Variants in TRIOBP observed in about 807,000 individuals in gnomAD.
TRIOBP encodes the protein TRIO and F-actin binding protein, also known as TRIO and F-actin-binding protein.
Under a neutral mutation model 238.8 loss-of-function variants are expected in TRIOBP, and 169 were observed. The observed-to-expected ratio is 0.71, with a 90% CI of 0.62 to 0.80. TRIOBP has a LOEUF of 0.80. Ranked by LOEUF, TRIOBP falls within the 30% of genes least tolerant of loss-of-function variation. The probability of loss-of-function intolerance (pLI) is 0.00; values close to 1 mark genes in which losing one functional copy is unlikely to be tolerated. For synonymous variants in TRIOBP, 1,150 were observed against 1,274.4 expected, an observed-to-expected ratio of 0.90 and a Z score of 2.08; for missense variants, 2,838 against 3,122.6, an observed-to-expected ratio of 0.91 and a Z score of 2.17.
Position 37,726,024 on chromosome 22 carries a change from G to A in TRIOBP, c.3468G>A (p.Glu1156=), listed in dbSNP as rs765602011. The A allele has an allele frequency of 2.5e-6, 4 of 1,610,064 alleles. No homozygotes were observed. The highest frequency in any genetic ancestry group is 2.7e-5 in the African/African-American group (2 of 74,236). ...SLVPSMDSLH[E]CPHIPTPVCI... is the part of the protein sequence containing the mutation. ...TCCCTTCCATGGACTCTCTGCACGA[G>A]TGCCCCCACATCCCCACCCCTGTGT... Residue 1156 remains glutamate, a synonymous_variant, in exon 7 of 24, where the codon GAG becomes GAA. Coordinates refer to ENST00000644935, the MANE Select transcript of TRIOBP (RefSeq NM_001039141.3).
intron 7 of TRIOBP, among the ~76,000 whole-genome samples, chr22:37,729,842 G>C (rs1924339514): frequency 6.6e-6 from 1 of 152,178 alleles, no homozygotes; most frequent in Middle Eastern, 3.2e-3. Context: ...CTCTGAATAT[G>C]GAAAATTTTA....
At chr22:37,717,839 C>T (rs368683472) in intron 6 of TRIOBP, among the ~76,000 whole-genome samples, 4 of 152,346 alleles carry the variant, frequency 2.6e-5, no homozygotes, top group South Asian at 4.1e-4. Context: ...GCCATGCGCC[C>T]ACACTCCTCA....
Position 37,757,803 on chromosome 22 carries a change from C to T in TRIOBP, c.5878C>T (p.Arg1960Cys), listed in dbSNP as rs368774500. The change falls in exon 16 of 24, where the codon CGC (arginine) becomes TGC (cysteine). Residue 1960 changes from arginine (R) to cysteine (C), a missense_variant. Arg to Cys is a radical substitution (Grantham distance 180). Transcript: ENST00000644935. ...GACCCAGGCTTCCCCGCAGCGGGCC[C>T]GCACCCCAGCCCGCACTCCTGACCG... ...PLTQASPQRA[R>C]TPARTPDRLA... 1.1e-4 allele frequency: 172 copies of T among 1,547,350 alleles called. No individual in the cohort carries two copies. Among genetic ancestry groups the T allele is most frequent in the African/African-American group, 1.5e-4 (11 of 72,982 alleles).
In TRIOBP at chr22:37,751,242, C is replaced by T. The variant is rs765809385; in HGVS notation, c.5323-530C>T. ...CTGACCCTTCCCAAAGAGATCTAGG[C>T]GGGGACCAGAGGGTTTCTGACCCCA... On this transcript the variant is annotated intron_variant, in intron 11 of 23. Transcript: ENST00000644935. The T allele has an allele frequency of 3.0e-4, 107 of 351,508 alleles. 1 individual carries two copies. The highest frequency in any genetic ancestry group is 2.1e-3 in the Admixed American group (50 of 23,446). 21.8% of individuals were successfully genotyped at this position (351,508 alleles called of 1,614,324 possible).
Position 37,738,648 on chromosome 22 carries a change from C to A in TRIOBP, c.5113C>A (p.Pro1705Thr), listed in dbSNP as rs538544680. 1.9e-6 allele frequency: 3 copies of A among 1,613,662 alleles called. No individual in the cohort carries two copies. Among genetic ancestry groups the A allele is most frequent in the African/African-American group, 1.3e-5 (1 of 74,820 alleles). The stretch of plus-strand genomic sequence containing the variant: ...TTCTTTTTTTAATCTCCAGTTCCAA[C>A]CAGAGGAGCCTGAGGAGTCAGAACC... ...GPSLPELQFQ[P>T]EEPEESEPSR... is the part of the protein sequence containing the mutation. Residue 1705 changes from proline (P) to threonine (T), a missense_variant, in exon 10 of 24, where the codon CCA becomes ACA. Physicochemically the swap from Pro to Thr is conservative, Grantham distance 38. This residue lies in a region of TRIOBP where 2,096 missense variants were observed against 2,137.4 expected (regional missense o/e 0.98). Coordinates refer to ENST00000644935, the MANE Select transcript of TRIOBP (RefSeq NM_001039141.3).
rs775251601 is a variant in TRIOBP at position 37,735,234 on chromosome 22, G to T, written c.4898G>T (p.Trp1633Leu). ...GAGTCACACAGCCAGCCAGAAGGCT[G>T]GGCCGAGGCCACCCCAGTCAATGGA... ...EQESHSQPEG[W>L]AEATPVNGHS... is the part of the protein sequence containing the mutation. The change falls in exon 9 of 24, where the codon TGG becomes TTG. Residue 1633 changes from tryptophan (W) to leucine (L), a missense_variant. Around this residue, in one of 5 missense-constraint regions of TRIOBP, gnomAD observed 2,096 missense variants for 2,137.4 expected, o/e 0.98. Transcript: ENST00000644935. 227 of 1,604,970 alleles carry T rather than the reference G, an allele frequency of 1.4e-4. No individual in the cohort carries two copies. Among genetic ancestry groups the T allele is most frequent in the Non-Finnish European group, 1.8e-4 (217 of 1,173,330 alleles).
At chr22:37,744,901 C>T (rs1401923467) in intron 11 of TRIOBP, among the ~76,000 whole-genome samples, 2 of 152,020 alleles carry the variant, frequency 1.3e-5, no homozygotes, top group South Asian at 2.1e-4. Context: ...AGTCTCGCTC[C>T]GTCTCCCAAG....
chr22:37,726,077 T>C lies in TRIOBP; in HGVS notation c.3521T>C (p.Phe1174Ser), dbSNP rs778600630. 2.1e-5 allele frequency: 33 copies of C among 1,585,050 alleles called. No individual in the cohort carries two copies. Among genetic ancestry groups the C allele is most frequent in the Non-Finnish European group, 2.6e-5 (30 of 1,167,084 alleles). Residue 1174 changes from phenylalanine to serine, a missense_variant, in exon 7 of 24, where the codon TTC becomes TCC. Physicochemically the swap from Phe to Ser is radical, Grantham distance 155. Coordinates refer to ENST00000644935, the MANE Select transcript of TRIOBP (RefSeq NM_001039141.3). ...VCIGHRDAPS[F>S]SSPPRQAPEP... ...ATTGGGCACCGGGATGCACCCTCCT[T>C]CTCATCCCCACCACGCCAGGCTCCT...
intron 23 of TRIOBP, among the ~76,000 whole-genome samples, chr22:37,773,168 G>A (rs1926868757): frequency 6.6e-6 from 1 of 150,808 alleles, no homozygotes; most frequent in South Asian, 2.1e-4. Flanking sequence ...TGACTTAGCA[G>A]GGCTCAAAGT....
At chr22:37,699,196 T>C (rs1291782012) in intron 2 of TRIOBP, among the ~76,000 whole-genome samples, 1 of 152,166 alleles carries the variant, frequency 6.6e-6, no homozygotes, top group African/African-American at 2.4e-5. Flanking sequence ...GATTTCTTTT[T>C]GGCTAAGTTC....
At chr22:37,721,174 C>T (rs764475682) in intron 6 of TRIOBP, among the ~76,000 whole-genome samples, 27 of 151,670 alleles carry the variant, frequency 1.8e-4, no homozygotes, top group Non-Finnish European at 3.2e-4. Context: ...CGGCTGCATC[C>T]AGCTAATTTT....
At chr22:37,755,319 T>C (rs1251267004) in intron 14 of TRIOBP, 129 bp downstream of exon 14, 6 of 1,053,048 alleles carry the variant, frequency 5.7e-6, no homozygotes, top group Middle Eastern at 2.7e-4. Flanking sequence ...AGAGGCCCTA[T>C]CTTCAGAGCC....
intron 3 of TRIOBP, among the ~76,000 whole-genome samples, chr22:37,701,710 A>G (rs1165050818): frequency 6.6e-6 from 1 of 152,198 alleles, no homozygotes; most frequent in East Asian, 1.9e-4. Context: ...GCCTTATCTA[A>G]TCTGTTACTT....
At chr22:37,754,085 C>T (rs1368247940) in intron 12 of TRIOBP, among the ~76,000 whole-genome samples, 2 of 152,280 alleles carry the variant, frequency 1.3e-5, no homozygotes, top group East Asian at 1.9e-4. Context: ...TCACCTGCTG[C>T]GGATGTGGGT....
intron 8 of TRIOBP, among the ~76,000 whole-genome samples, chr22:37,733,673 T>A (rs1601638629): frequency 6.8e-6 from 1 of 147,464 alleles, no homozygotes; most frequent in African/African-American, 2.5e-5. Flanking sequence ...TGTCTTTTTT[T>A]TTTTTTTTTT....
chr22:37,735,368 C>T lies in TRIOBP; in HGVS notation c.5032C>T (p.Leu1678=), dbSNP rs557256047. ...GACAAGAGGACCAGCGACCGCAACTCTGGCAGGCCTGGAGCAGACGGGCCC... is the reference window on the plus strand; with the variant it reads ...GACAAGAGGACCAGCGACCGCAACTTTGGCAGGCCTGGAGCAGACGGGCCC... The part of the protein sequence containing the change: ...KVTRGPATAT[L]AGLEQTGPLG... Residue 1678 remains leucine, a synonymous_variant, in exon 9 of 24, where the codon CTG becomes TTG. Coordinates refer to ENST00000644935, the MANE Select transcript of TRIOBP (RefSeq NM_001039141.3). 1 of 1,611,586 alleles carries T rather than the reference C, an allele frequency of 6.2e-7. No individual in the cohort carries two copies. Among genetic ancestry groups the T allele is most frequent in the South Asian group, 1.1e-5 (1 of 90,884 alleles).
intron 10 of TRIOBP, among the ~76,000 whole-genome samples, chr22:37,739,729 G>A (rs1016244993): frequency 6.6e-6 from 1 of 152,210 alleles, no homozygotes; most frequent in Non-Finnish European, 1.5e-5. Flanking sequence ...GGGGACAGGG[G>A]ACACTGGTCG....
At position 37,740,976 on chromosome 22, in the gene TRIOBP, C is replaced by A; in HGVS notation, c.5266C>A (p.Arg1756=). 6.4e-7 allele frequency: 1 copy of A among 1,560,734 alleles called. No homozygotes were observed. Among genetic ancestry groups the A allele is most frequent in the Non-Finnish European group, 8.7e-7 (1 of 1,151,896 alleles). ...GACCTCATGGCGGATGCCCGGGGAC[C>A]GGCCCACGCTGTTCAATCCGTTCCT... is the stretch of plus-strand genomic sequence containing the variant. The part of the protein sequence containing the change: ...LVTSWRMPGD[R]PTLFNPFLLS... Residue 1756 remains arginine, a synonymous_variant, in exon 11 of 24, where the codon CGG becomes AGG. Coordinates refer to ENST00000644935, the MANE Select transcript of TRIOBP (RefSeq NM_001039141.3).
intron 4 of TRIOBP, among the ~76,000 whole-genome samples, chr22:37,712,957 A>AAAATAAATAAAT (rs368169188): frequency 6.0e-4 from 83 of 138,410 alleles, no homozygotes; most frequent in Middle Eastern, 3.6e-3. Context: ...ACTCTGTCTC[A>AAAATAAATAAAT]AAATAAATAA....
Sources: gnomAD v4.1 joint callset for allele counts (sites outside exome capture counted in the v4.1 genomes callset) on GRCh38, gnomAD v4.1.1 for gene constraint, gnomAD v4.1.1 regional missense constraint, MANE v1.5 for transcripts, NCBI Gene and HGNC (gene_info 2026-07-23, HGNC 2026-07-21) for gene names.